ATP6V1A: variants seen among roughly 807,000 people sequenced by gnomAD.
The protein encoded by ATP6V1A is ATPase H+ transporting V1 subunit A, also known as V-type proton ATPase catalytic subunit A.
A neutral mutation model predicts 70.1 loss-of-function variants in ATP6V1A; 18 were observed. The observed-to-expected ratio is 0.26, with a 90% CI of 0.18 to 0.38. ATP6V1A has a LOEUF of 0.38. Among genes scored for constraint, ATP6V1A ranks in the 10% least tolerant of loss-of-function variants. The pLI is 1.00. For missense variants in ATP6V1A, 424 were observed against 772.4 expected (o/e 0.55, Z 5.35); for synonymous variants, 232 against 253.8 (o/e 0.91, Z 0.82).
chr3:113,798,482 G>A (rs772560662), intron 12 of ATP6V1A, 36 bp downstream of exon 12: 1 of 1,604,466 alleles, frequency 6.2e-7, no homozygotes, highest in African/African-American at 1.3e-5. Flanking sequence ...TAGATCTGTG[G>A]GTTACACTGG....
At chr3:113,799,377 C>G (rs1709185461) in intron 12 of ATP6V1A, among the ~76,000 whole-genome samples, 1 of 152,230 alleles carries the variant, frequency 6.6e-6, no homozygotes, top group South Asian at 2.1e-4. Context: ...AAGTTTATTA[C>G]AATTTTTAGA....
In ATP6V1A at chr3:113,780,082, T is replaced by G. The variant is rs1577088196; in HGVS notation, c.83-968T>G. On this transcript the variant is annotated intron_variant, in intron 2 of 14. Coordinates refer to ENST00000273398, the MANE Select transcript of ATP6V1A (RefSeq NM_001690.4). ...AAGGTAATGGAACAATGGCATCCTT[T>G]TTTGGCTTATGAAATATGATTTTTA... is the stretch of plus-strand genomic sequence containing the variant. Among the ~76,000 whole-genome samples the G allele has an allele frequency of 2.0e-5, 3 of 152,340 alleles. No individual in the cohort carries two copies. The South Asian group carries it at 6.2e-4, about 32-fold the overall frequency.
intron 1 of ATP6V1A, among the ~76,000 whole-genome samples, chr3:113,758,610 T>C (rs1277952286): frequency 2.0e-5 from 3 of 152,222 alleles, no homozygotes; most frequent in African/African-American, 4.8e-5. Flanking sequence ...GTCTTTCCAC[T>C]TTTTGGCCAT....
chr3:113,795,795 A>G (rs1456113042), intron 10 of ATP6V1A, 81 bp from the exon 11 acceptor site: 1 of 1,089,134 alleles, frequency 9.2e-7, no homozygotes, highest in African/African-American at 1.6e-5. Context: ...AAAAAAAGTT[A>G]ACATTTATAT....
rs143143999 is a variant in ATP6V1A at position 113,807,012 on chromosome 3, T to C, written c.1761+1487T>C. Among the ~76,000 whole-genome samples, 725 of 152,100 alleles carry C rather than the reference T, an allele frequency of 4.8e-3. 4 individuals are homozygous for C. Among genetic ancestry groups the C allele is most frequent in the Admixed American group, 7.8e-3 (120 of 15,290 alleles). ...ATATATTTTGTGTGTGTGTTCACACTATAGATTGAAAGTAAACCTGTACAA... is the reference window on the plus strand; with the variant it reads ...ATATATTTTGTGTGTGTGTTCACACCATAGATTGAAAGTAAACCTGTACAA... On this transcript the variant is annotated intron_variant, in intron 14 of 14. Transcript: ENST00000273398.
chr3:113,773,785 C>T (rs1023657249), intron 1 of ATP6V1A, among the ~76,000 whole-genome samples: 2 of 152,134 alleles, frequency 1.3e-5, no homozygotes, highest in African/African-American at 4.8e-5. Context: ...TATTAAGTGA[C>T]TTTCATCCTG....
At chr3:113,786,489 A>C in intron 6 of ATP6V1A, 106 bp downstream of exon 6, 1 of 1,110,984 alleles carries the variant, frequency 9.0e-7, no homozygotes. Context: ...ACTATAATAC[A>C]TTTTATCTAG....
At position 113,805,651 on chromosome 3, in the gene ATP6V1A, C is replaced by T. The variant is rs555400204; in HGVS notation, c.1761+126C>T. 1,132 of 929,122 alleles carry T rather than the reference C, an allele frequency of 1.2e-3. 2 individuals are homozygous for T. Among genetic ancestry groups the T allele is most frequent in the Admixed American group, 1.5e-3 (53 of 35,280 alleles). 57.6% of individuals were successfully genotyped at this position (929,122 alleles called of 1,614,324 possible). A position where few individuals can be genotyped will look rare whatever the true frequency, so the allele number is the denominator to read the frequency against. On this transcript the variant is annotated intron_variant, in intron 14 of 14. Transcript: ENST00000273398. ...TGGCATGATCTTGTCTCACTGCAACCTCTGCCTCCTGGGTTCAAACGATTC... is the reference window on the plus strand; with the variant it reads ...TGGCATGATCTTGTCTCACTGCAACTTCTGCCTCCTGGGTTCAAACGATTC...
chr3:113,768,371 A>G (rs1000707373), intron 1 of ATP6V1A, among the ~76,000 whole-genome samples: 3 of 152,090 alleles, frequency 2.0e-5, no homozygotes, highest in African/African-American at 7.2e-5. Context: ...CAATATAAAA[A>G]TATTTATTTT....
intron 6 of ATP6V1A, 70 bp from the exon 7 acceptor site, chr3:113,788,643 C>G: frequency 6.7e-7 from 1 of 1,502,578 alleles, no homozygotes; most frequent in Non-Finnish European, 9.0e-7. Context: ...GCCACCGCGC[C>G]CGGCCCCTAC....
In ATP6V1A at chr3:113,785,494, T is replaced by C. The variant is rs1333445948; in HGVS notation, c.564+661T>C. ...TATATAATGGATTATTTGAATTCTC[T>C]TTTTTTCTTTTCTTTTTTTTTTTTT... On this transcript the variant is annotated intron_variant, in intron 5 of 14. Transcript: ENST00000273398. Among the ~76,000 whole-genome samples, 39 of 146,478 alleles carry C rather than the reference T, an allele frequency of 2.7e-4. No homozygotes were observed. In the Admixed American group the frequency reaches 2.7e-3, roughly 10 times the overall value.
chr3:113,765,081 C>A (rs1708753085), intron 1 of ATP6V1A, among the ~76,000 whole-genome samples: 1 of 151,180 alleles, frequency 6.6e-6, no homozygotes. Context: ...AATAATTGAC[C>A]AGAAATTTTC....
intron 1 of ATP6V1A, among the ~76,000 whole-genome samples, chr3:113,774,351 A>G (rs532475329): frequency 6.6e-6 from 1 of 152,370 alleles, no homozygotes; most frequent in East Asian, 1.9e-4. Context: ...GAATAAAATT[A>G]GTAGTCATCA....
intron 1 of ATP6V1A, among the ~76,000 whole-genome samples, chr3:113,750,374 C>G (rs1708572582): frequency 6.6e-6 from 1 of 152,124 alleles, no homozygotes; most frequent in Non-Finnish European, 1.5e-5. Flanking sequence ...GCCAGCTACT[C>G]AGGAGGCTGA....
intron 3 of ATP6V1A, among the ~76,000 whole-genome samples, chr3:113,783,462 T>C (rs1044628736): frequency 6.6e-6 from 1 of 152,200 alleles, no homozygotes; most frequent in African/African-American, 2.4e-5. Context: ...TTCTTAAGAT[T>C]TTAGGTTTTG....
chr3:113,790,694 A>G (rs1247723803), intron 8 of ATP6V1A, among the ~76,000 whole-genome samples: 1 of 152,226 alleles, frequency 6.6e-6, no homozygotes, highest in Non-Finnish European at 1.5e-5. Context: ...ATGCTCACCA[A>G]CAGTCCCTTG....
intron 1 of ATP6V1A, among the ~76,000 whole-genome samples, chr3:113,770,672 CTG>C (rs1052327113): frequency 3.3e-5 from 5 of 151,514 alleles, no homozygotes; most frequent in African/African-American, 1.2e-4. Flanking sequence ...GACTGAGACT[CTG>C]TCTTAAAAAA....
intron 3 of ATP6V1A, among the ~76,000 whole-genome samples, chr3:113,781,798 G>A (rs567346112): frequency 1.3e-5 from 2 of 152,260 alleles, no homozygotes; most frequent in East Asian, 1.9e-4. Flanking sequence ...AGAAGAAAGC[G>A]TAAACAGAAT....
chr3:113,805,626 T>C (rs1038872097), intron 14 of ATP6V1A, 101 bp downstream of exon 14: 39 of 1,179,318 alleles, frequency 3.3e-5, no homozygotes, highest in Non-Finnish European at 4.6e-5. Flanking sequence ...TGGAGTGCAG[T>C]GGCATGATCT....
Sources: gnomAD v4.1 joint callset for allele counts (sites outside exome capture counted in the v4.1 genomes callset) on GRCh38, gnomAD v4.1.1 for gene constraint, MANE v1.5 for transcripts, NCBI Gene and HGNC (gene_info 2026-07-23, HGNC 2026-07-21) for gene names.